The following CAPN9 variants were observed in gnomAD, a reference collection of about 807,000 sequenced individuals.
CAPN9 encodes the protein calpain-9.
Under a neutral mutation model 92.8 loss-of-function variants are expected in CAPN9, and 81 were observed. That is an observed-to-expected ratio of 0.87 (90% CI 0.73 to 1.05). The LOEUF (loss-of-function observed/expected upper bound fraction) is 1.05. Ranked by LOEUF, CAPN9 falls within the 50% of genes least tolerant of loss-of-function variation. The pLI is 0.00. For synonymous variants in CAPN9, 304 were observed against 328.0 expected, an observed-to-expected ratio of 0.93 and a Z score of 0.79; for missense variants, 848 against 866.2, an observed-to-expected ratio of 0.98 and a Z score of 0.26.
intron 4 of CAPN9, among the ~76,000 whole-genome samples, chr1:230,764,739 G>A (rs551056645): frequency 5.0e-4 from 76 of 152,308 alleles, no homozygotes; most frequent in Non-Finnish European, 4.4e-4. Context: ...TCGAGTGAAC[G>A]GATGGTGGAT....
intron 1 of CAPN9, among the ~76,000 whole-genome samples, chr1:230,754,947 T>G (rs1355937957): frequency 2.0e-5 from 3 of 152,158 alleles, no homozygotes; most frequent in Non-Finnish European, 4.4e-5. Context: ...CTCAGCTCCT[T>G]GAAGCCCACA....
Position 230,780,244 on chromosome 1 carries a change from T to G in CAPN9, c.1180T>G (p.Cys394Gly). The G allele has an allele frequency of 1.2e-6, 2 of 1,613,660 alleles. No homozygotes were observed. Among genetic ancestry groups the G allele is most frequent in the Non-Finnish European group, 1.7e-6 (2 of 1,179,756 alleles). ...TGAGAAAGATGAGGGGCAGGAGGAG[T>G]GTAGTTTCCTTGTAGCCCTGATGCA... ...LTEKDEGQEE[C>G]SFLVALMQKD... The change falls in exon 10 of 20, where the codon TGT becomes GGT. Residue 394 changes from cysteine to glycine, a missense_variant. Coordinates refer to ENST00000271971, the MANE Select transcript of CAPN9 (RefSeq NM_006615.3).
rs1426463698 is a variant in CAPN9, at chr1:230,772,097, C to T, written c.873C>T (p.Asp291=). ...TTGAGTGGAACGGGTCGTGGAGCGA[C>T]AGGTCAGTCACCCTATCCTGCCTCT... ...GQVEWNGSWS[D]SSPEWRSVGP... Residue 291 remains aspartate, a splice_region_variant and synonymous_variant, in exon 7 of 20, where the codon GAC becomes GAT. Coordinates refer to ENST00000271971, the MANE Select transcript of CAPN9 (RefSeq NM_006615.3). The T allele has an allele frequency of 1.2e-6, 2 of 1,614,028 alleles. No individual in the cohort carries two copies. Among genetic ancestry groups the T allele is most frequent in the Non-Finnish European group, 1.7e-6 (2 of 1,179,844 alleles).
rs560567036 is a variant in CAPN9, at chr1:230,795,094, C to G, written c.1871-69C>G. On this transcript the variant is annotated intron_variant, in intron 17 of 19. Coordinates refer to ENST00000271971, the MANE Select transcript of CAPN9 (RefSeq NM_006615.3). Reference sequence around the variant, plus strand: ...CTCTCCTCAGCTGCCTGGGAGCTCCCTCAAAGGTGCAGACTCACCTCGGGG... The same window carrying G: ...CTCTCCTCAGCTGCCTGGGAGCTCCGTCAAAGGTGCAGACTCACCTCGGGG... 44 of 976,062 alleles carry G rather than the reference C, an allele frequency of 4.5e-5. No individual in the cohort carries two copies. The African/African-American group carries it at 7.0e-4, about 16-fold the overall frequency. The allele number at this position is 976,062 out of a possible 1,614,324, so 60.5% of individuals were successfully genotyped here. A position where few individuals can be genotyped will look rare whatever the true frequency, so the allele number is the denominator to read the frequency against.
chr1:230,773,734 C>G (rs28359662), intron 7 of CAPN9, among the ~76,000 whole-genome samples: 2 of 152,266 alleles, frequency 1.3e-5, no homozygotes, highest in East Asian at 1.9e-4. Context: ...GACCCTGGCC[C>G]GAGCACCTGG....
chr1:230,774,756 T>G, intron 8 of CAPN9, 125 bp downstream of exon 8: 2 of 657,636 alleles, frequency 3.0e-6, no homozygotes, highest in South Asian at 3.9e-5. Context: ...TTTTTTTTTT[T>G]TTGAGACGGA....
In CAPN9 at chr1:230,769,616, C is replaced by T. The variant is rs78443572; in HGVS notation, c.789+353C>T. Among the ~76,000 whole-genome samples the T allele has an allele frequency of 1.5e-3, 177 of 116,050 alleles. 3 individuals are homozygous for T. Among genetic ancestry groups the T allele is most frequent in the African/African-American group, 3.5e-3 (105 of 30,082 alleles). The allele number at this position is 116,050 out of a possible 152,430, so 76.1% of individuals were successfully genotyped here. A position where few individuals can be genotyped will look rare whatever the true frequency, so the allele number is the denominator to read the frequency against. ...ATACATACAATTAAACACACACACACCTATCTATCTATCTATCTATCTATC... is the reference window on the plus strand; with the variant it reads ...ATACATACAATTAAACACACACACATCTATCTATCTATCTATCTATCTATC... On this transcript the variant is annotated intron_variant, in intron 6 of 19. Transcript: ENST00000271971.
At chr1:230,768,041 TAAATAAATAAATAA>T (rs1666112691) in intron 5 of CAPN9, among the ~76,000 whole-genome samples, 1 of 123,548 alleles carries the variant, frequency 8.1e-6, no homozygotes, top group Non-Finnish European at 1.8e-5. Context: ...AATAAATAAA[TAAATAAATAAATAA>T]AAAATAAAAT....
At chr1:230,751,431 A>AG (rs1038719546) in intron 1 of CAPN9, among the ~76,000 whole-genome samples, 5 of 151,568 alleles carry the variant, frequency 3.3e-5, no homozygotes, top group African/African-American at 1.2e-4. Flanking sequence ...AGAAAGAAAG[A>AG]GAAAAAGAGA....
At chr1:230,752,699 C>T (rs1264722413) in intron 1 of CAPN9, 18 of 985,284 alleles carry the variant, frequency 1.8e-5, no homozygotes, top group Non-Finnish European at 2.2e-5. Flanking sequence ...TTTTGGAGTA[C>T]ATTTTATGTC....
chr1:230,796,646 G>A (rs1467827741), intron 18 of CAPN9, among the ~76,000 whole-genome samples: 1 of 152,144 alleles, frequency 6.6e-6, no homozygotes, highest in Non-Finnish European at 1.5e-5. Context: ...AGGGGTTACT[G>A]GTAGCTAGTG....
chr1:230,751,264 C>A (rs139953534), intron 1 of CAPN9, among the ~76,000 whole-genome samples: 1 of 152,298 alleles, frequency 6.6e-6, no homozygotes, highest in African/African-American at 2.4e-5. Flanking sequence ...TCTGGGACAG[C>A]CCCAAAGGCC....
chr1:230,764,085 G>T (rs1665815248), intron 4 of CAPN9, among the ~76,000 whole-genome samples: 1 of 152,210 alleles, frequency 6.6e-6, no homozygotes, highest in African/African-American at 2.4e-5. Context: ...AAACTGTATA[G>T]ATGGTGTTAT....
rs376016049 is a variant in CAPN9, at chr1:230,760,013, T to C, written c.402+383T>C. Among the ~76,000 whole-genome samples the C allele has an allele frequency of 1.3e-4, 20 of 152,326 alleles. 1 individual carries two copies. The highest frequency in any genetic ancestry group is 4.3e-4 in the African/African-American group (18 of 41,566). ...CAGAGAGGTTCTCTTTATGGAAGAA[T>C]TGTAAATTTGGAGATCTTGAGGGAT... is the stretch of plus-strand genomic sequence containing the variant. On this transcript the variant is annotated intron_variant, in intron 3 of 19. Transcript: ENST00000271971.
At chr1:230,759,827 C>T (rs542522438) in intron 3 of CAPN9, among the ~76,000 whole-genome samples, 197 bp downstream of exon 3, 18 of 152,310 alleles carry the variant, frequency 1.2e-4, no homozygotes, top group Non-Finnish European at 1.8e-4. Context: ...CGGCATTGCA[C>T]GGTGAATCCT....
chr1:230,756,975 A>C, intron 2 of CAPN9, among the ~76,000 whole-genome samples: 1 of 123,480 alleles, frequency 8.1e-6, no homozygotes. Flanking sequence ...GAAGGAAAGA[A>C]GGAAGGGAGA....
chr1:230,798,252 C>T (rs1668474042), intron 19 of CAPN9, 32 bp downstream of exon 19: 5 of 1,508,848 alleles, frequency 3.3e-6, no homozygotes, highest in Non-Finnish European at 4.6e-6. Flanking sequence ...TGCTCAGGGA[C>T]CCAGCTGGGG....
rs1667820675 is a variant in CAPN9, at chr1:230,789,354, T to G, written c.1600-778T>G. Among the ~76,000 whole-genome samples, 2 of 151,758 alleles carry G rather than the reference T, an allele frequency of 1.3e-5. 1 individual carries two copies. Among genetic ancestry groups the G allele is most frequent in the Non-Finnish European group, 2.9e-5 (2 of 67,982 alleles). On this transcript the variant is annotated intron_variant, in intron 13 of 19. Transcript: ENST00000271971. ...CCAGCATGGTGGTGCATGCCTATAG[T>G]CCCAGCTACTTGGGAGGCTGAGGTA...
chr1:230,771,175 T>C (rs940727680), intron 6 of CAPN9, among the ~76,000 whole-genome samples: 3 of 152,242 alleles, frequency 2.0e-5, no homozygotes, highest in Non-Finnish European at 4.4e-5. Flanking sequence ...ATGAGCCCCT[T>C]TAATGGTGAG....
Sources: allele counts gnomAD v4.1 joint callset (sites outside exome capture counted in the v4.1 genomes callset), GRCh38; gene constraint gnomAD v4.1.1; transcripts MANE v1.5; gene names NCBI Gene and HGNC (gene_info 2026-07-23, HGNC 2026-07-21).